ADAMTSL1: variants seen among roughly 807,000 people sequenced by gnomAD.
The protein encoded by ADAMTSL1 is ADAMTS like 1.
Under a neutral mutation model 201.8 loss-of-function variants are expected in ADAMTSL1, and 126 were observed. That is an observed-to-expected ratio of 0.62 (90% CI 0.54 to 0.72). The LOEUF is 0.72. Among genes scored for constraint, ADAMTSL1 ranks in the 30% least tolerant of loss-of-function variants. The pLI is 0.00. For synonymous variants in ADAMTSL1, 1,121 were observed against 903.4 expected (o/e 1.24, Z -4.32); for missense variants, 2,679 against 2,277.8 (o/e 1.18, Z -3.59).
chr9:18,874,466 T>C (rs1828028497), intron 23 of ADAMTSL1, among the ~76,000 whole-genome samples: 1 of 152,114 alleles, frequency 6.6e-6, no homozygotes, highest in South Asian at 2.1e-4. Flanking sequence ...GTGTCTCTTC[T>C]ATGCCAATTT....
intron 2 of ADAMTSL1, among the ~76,000 whole-genome samples, chr9:18,226,322 G>A (rs929505287): frequency 6.6e-6 from 1 of 151,922 alleles, no homozygotes; most frequent in Non-Finnish European, 1.5e-5. Context: ...TCTCTCTCTT[G>A]GTCTTGACAT....
At chr9:18,131,525 G>A (rs1825954063) in intron 1 of ADAMTSL1, among the ~76,000 whole-genome samples, 1 of 152,078 alleles carries the variant, frequency 6.6e-6, no homozygotes. Context: ...AAATCAAAGA[G>A]GAGTTTCTTT....
chr9:18,607,315 G>T (rs1825084722), intron 4 of ADAMTSL1, among the ~76,000 whole-genome samples: 1 of 152,112 alleles, frequency 6.6e-6, no homozygotes, highest in Admixed American at 6.5e-5. Context: ...ACTCTGCCAA[G>T]AATTCACTTG....
chr9:18,266,530 C>A (rs565908641), intron 2 of ADAMTSL1, among the ~76,000 whole-genome samples: 2 of 152,264 alleles, frequency 1.3e-5, no homozygotes, highest in African/African-American at 4.8e-5. Context: ...GAGGGTCAGG[C>A]TCTTTCTTCC....
rs1284770843 is a variant in ADAMTSL1 at position 18,597,185 on chromosome 9, T to C, written c.474+22919T>C. Among the ~76,000 whole-genome samples, 5 of 152,310 alleles carry C rather than the reference T, an allele frequency of 3.3e-5. No homozygotes were observed. In the East Asian group the frequency reaches 9.6e-4, roughly 29 times the overall value. On this transcript the variant is annotated intron_variant, in intron 4 of 28. Transcript: ENST00000380548. Reference sequence around the variant, plus strand: ...ATGACCAAGCCCTCCCTAAAACACATAAATTATTCATCTTAAATGTCTTTT... The same window carrying C: ...ATGACCAAGCCCTCCCTAAAACACACAAATTATTCATCTTAAATGTCTTTT...
intron 2 of ADAMTSL1, among the ~76,000 whole-genome samples, chr9:18,299,011 CAA>C (rs369246364): frequency 4.3e-5 from 6 of 138,298 alleles, no homozygotes; most frequent in Admixed American, 2.2e-4. Context: ...GACTCCGTCT[CAA>C]AAAAAAAAAA....
intron 20 of ADAMTSL1, among the ~76,000 whole-genome samples, chr9:18,800,809 G>A (rs747725049): frequency 2.0e-5 from 3 of 152,178 alleles, no homozygotes; most frequent in Admixed American, 6.5e-5. Context: ...GCAGCATCAC[G>A]TGGCTGTACT....
intron 1 of ADAMTSL1, among the ~76,000 whole-genome samples, chr9:18,006,736 A>T (rs1333428764): frequency 2.6e-5 from 4 of 152,014 alleles, no homozygotes; most frequent in African/African-American, 9.7e-5. Flanking sequence ...TCTAATGACC[A>T]GAAGCAGAGT....
At chr9:18,325,492 A>G (rs1435091159) in intron 2 of ADAMTSL1, among the ~76,000 whole-genome samples, 1 of 152,204 alleles carries the variant, frequency 6.6e-6, no homozygotes, top group Non-Finnish European at 1.5e-5. Flanking sequence ...GACACAAAAT[A>G]AGATACACTA....
chr9:18,613,601 C>G (rs1422505629), intron 4 of ADAMTSL1, among the ~76,000 whole-genome samples: 6 of 152,120 alleles, frequency 3.9e-5, no homozygotes, highest in African/African-American at 1.2e-4. Context: ...CCTTAACAAA[C>G]TGACACAAGA....
intron 2 of ADAMTSL1, among the ~76,000 whole-genome samples, chr9:18,202,881 T>C (rs923641265): frequency 7.2e-5 from 11 of 152,120 alleles, no homozygotes; most frequent in Non-Finnish European, 1.6e-4. Context: ...TCAGATGACC[T>C]CAAGAGCTCT....
chr9:18,246,354 T>C (rs1400147479), intron 2 of ADAMTSL1, among the ~76,000 whole-genome samples: 1 of 152,152 alleles, frequency 6.6e-6, no homozygotes, highest in Non-Finnish European at 1.5e-5. Context: ...AAAGGGGGTA[T>C]ACTGAAAGGC....
intron 4 of ADAMTSL1, among the ~76,000 whole-genome samples, chr9:18,597,864 C>T (rs936032995): frequency 6.6e-6 from 1 of 152,176 alleles, no homozygotes; most frequent in African/African-American, 2.4e-5. Flanking sequence ...CCAAAGACTC[C>T]CTTGGAACAA....
At chr9:17,943,993 A>G (rs1000802456) in intron 1 of ADAMTSL1, among the ~76,000 whole-genome samples, 3 of 152,040 alleles carry the variant, frequency 2.0e-5, no homozygotes, top group Non-Finnish European at 2.9e-5. Flanking sequence ...AGATCTTGTG[A>G]GAATTCACTA....
At chr9:18,723,295 T>C (rs1363876725) in intron 15 of ADAMTSL1, 14 of 574,820 alleles carry the variant, frequency 2.4e-5, no homozygotes, top group Non-Finnish European at 9.3e-6. Flanking sequence ...CTGTTCTGCT[T>C]ATTTGCCATT....
At chr9:18,630,544 A>G (rs138323102) in intron 5 of ADAMTSL1, among the ~76,000 whole-genome samples, 119 of 152,266 alleles carry the variant, frequency 7.8e-4, no homozygotes, top group African/African-American at 2.0e-3. Flanking sequence ...CAGGGAATCT[A>G]CTGAGCTCTA....
At chr9:18,843,651 C>T (rs1180135487) in intron 23 of ADAMTSL1, among the ~76,000 whole-genome samples, 1 of 150,848 alleles carries the variant, frequency 6.6e-6, no homozygotes, top group Non-Finnish European at 1.5e-5. Flanking sequence ...GTTCCATTCT[C>T]CCCATCACTT....
intron 2 of ADAMTSL1, among the ~76,000 whole-genome samples, chr9:18,212,901 C>G (rs1320983724): frequency 6.6e-6 from 1 of 152,130 alleles, no homozygotes; most frequent in South Asian, 2.1e-4. Context: ...GAGAACAACA[C>G]CTGAAAGTCT....
At chr9:18,403,541 T>C (rs1344508419) in intron 2 of ADAMTSL1, among the ~76,000 whole-genome samples, 1 of 152,226 alleles carries the variant, frequency 6.6e-6, no homozygotes, top group African/African-American at 2.4e-5. Context: ...CCAATTTCTC[T>C]GTCTCAATAG....
Sources: gnomAD v4.1 joint callset for allele counts (sites outside exome capture counted in the v4.1 genomes callset) on GRCh38, gnomAD v4.1.1 for gene constraint, MANE v1.5 for transcripts, NCBI Gene and HGNC (gene_info 2026-07-23, HGNC 2026-07-21) for gene names.